Variants in XKR7 observed in about 807,000 individuals in gnomAD.
XKR7 encodes XK-related protein 7.
A neutral mutation model predicts 42.2 loss-of-function variants in XKR7; 11 were observed. That is an observed-to-expected ratio of 0.26 (90% confidence interval 0.16 to 0.43). The LOEUF is 0.43. XKR7 is among the 20% of genes least tolerant of loss of function. XKR7 has a pLI of 1.00. For missense variants in XKR7, 710 were observed against 802.2 expected (o/e 0.89, Z 1.39); for synonymous variants, 346 against 366.4 (o/e 0.94, Z 0.64).
At chr20:31,973,358 G>A (rs898243441) in intron 1 of XKR7, among the ~76,000 whole-genome samples, 7 of 152,178 alleles carry the variant, frequency 4.6e-5, no homozygotes, top group African/African-American at 1.7e-4. Context: ...TAAGTGCTGG[G>A]AATAGAGTGG....
At position 31,995,013 on chromosome 20, in the gene XKR7, G is replaced by A. The variant is rs1197721614; in HGVS notation, c.585-55G>A. ...CCTGTGGGCGGCTCGGGGCTGGTGC[G>A]ACAGAGCGAGAGGAACCAGCGCGCG... On this transcript the variant is annotated intron_variant, in intron 1 of 2. Transcript: ENST00000562532. The surrounding 1 kb of genome is among the most constrained non-coding windows in gnomAD (Gnocchi z 4.1). 2.0e-6 allele frequency: 3 copies of A among 1,535,100 alleles called. No individual in the cohort carries two copies. In the East Asian group the frequency reaches 7.4e-5, roughly 38 times the overall value.
At chr20:31,983,453 C>T (rs1415026099) in intron 1 of XKR7, among the ~76,000 whole-genome samples, 2 of 152,118 alleles carry the variant, frequency 1.3e-5, no homozygotes, top group African/African-American at 4.8e-5. Flanking sequence ...TGACATTGAG[C>T]TGAGATGGGA....
At chr20:31,988,598 G>A (rs994910956) in intron 1 of XKR7, among the ~76,000 whole-genome samples, 1 of 152,174 alleles carries the variant, frequency 6.6e-6, no homozygotes, top group Non-Finnish European at 1.5e-5. Context: ...CAGTAAGTTA[G>A]ATTCCAAATA....
chr20:31,984,099 TA>T (rs766935086), intron 1 of XKR7, among the ~76,000 whole-genome samples: 1 of 148,882 alleles, frequency 6.7e-6, no homozygotes, highest in Admixed American at 6.7e-5. Context: ...CTGTCTCTAC[TA>T]AAAAACAAAA....
At chr20:31,982,146 C>T (rs2064516131) in intron 1 of XKR7, among the ~76,000 whole-genome samples, 1 of 152,200 alleles carries the variant, frequency 6.6e-6, no homozygotes, top group Non-Finnish European at 1.5e-5. Flanking sequence ...CTGAGTTCCA[C>T]CAGTGGGTTG....
At position 31,982,997 on chromosome 20, in the gene XKR7, G is replaced by A. The variant is rs78935289; in HGVS notation, c.585-12071G>A. 1.3e-3 allele frequency among the ~76,000 whole-genome samples: 197 copies of A among 152,320 alleles called. 1 individual carries two copies. The highest frequency in any genetic ancestry group is 4.6e-3 in the African/African-American group (191 of 41,574). On this transcript the variant is annotated intron_variant, in intron 1 of 2. Coordinates refer to ENST00000562532, the MANE Select transcript of XKR7 (RefSeq NM_001011718.2). Reference sequence around the variant, plus strand: ...GTATTGGGCTGATGGGTCCAGAGACGGGAGGCAACTTGTCTGGGGCTACAT... The same window carrying A: ...GTATTGGGCTGATGGGTCCAGAGACAGGAGGCAACTTGTCTGGGGCTACAT...
intron 1 of XKR7, among the ~76,000 whole-genome samples, chr20:31,984,500 GCTTGATGAACATCC>G (rs1471796147): frequency 6.6e-6 from 1 of 152,202 alleles, no homozygotes; most frequent in African/African-American, 2.4e-5. Context: ...GTGGGGAGGG[GCTTGATGAACATCC>G]CTTGGTGTAG....
At position 31,997,435 on chromosome 20, in the gene XKR7, T is replaced by A. The variant is rs2122285096; in HGVS notation, c.1718T>A (p.Leu573Gln). Residue 573 changes from leucine to glutamine, a missense_variant, in exon 3 of 3, where the codon CTG becomes CAG. Around this residue, in one of 2 missense-constraint regions of XKR7, gnomAD observed 708 missense variants for 786.2 expected, o/e 0.90. Coordinates refer to ENST00000562532, the MANE Select transcript of XKR7 (RefSeq NM_001011718.2). ...AGTGTGGGGACTTCCCAGGAGCTGC[T>A]GGAGTATGAGACCACAGTGTAGGCT... ...YRSVGTSQELLEYETTV is the reference protein window; with the variant it reads ...YRSVGTSQELQEYETTV 1 of 1,598,094 alleles carries A rather than the reference T, an allele frequency of 6.3e-7. No homozygotes were observed. Among genetic ancestry groups the A allele is most frequent in the Middle Eastern group, 1.7e-4 (1 of 6,018 alleles).
At position 31,997,105 on chromosome 20, in the gene XKR7, G is replaced by A; in HGVS notation, c.1388G>A (p.Gly463Asp). 3.7e-6 allele frequency: 6 copies of A among 1,613,244 alleles called. No individual in the cohort carries two copies. The highest frequency in any genetic ancestry group is 5.1e-6 in the Non-Finnish European group (6 of 1,180,026). ...CIFRKASEPC[G>D]PPADAITSPP... ...TTCCGTAAGGCCTCAGAGCCCTGTG[G>A]CCCACCCGCTGACGCCATCACGAGT... is the stretch of plus-strand genomic sequence containing the variant. The change falls in exon 3 of 3, where the codon GGC becomes GAC. Residue 463 changes from glycine to aspartate, a missense_variant. By Grantham distance (94) the Gly-to-Asp change is moderately conservative (BLOSUM62 -1). This residue lies in a region of XKR7 where 708 missense variants were observed against 786.2 expected (regional missense o/e 0.90). Transcript: ENST00000562532.
chr20:31,990,374 C>A (rs1284272655), intron 1 of XKR7, among the ~76,000 whole-genome samples: 1 of 152,186 alleles, frequency 6.6e-6, no homozygotes, highest in Non-Finnish European at 1.5e-5. Flanking sequence ...GAAAATAAAG[C>A]TCAGAGAAGT....
Position 31,987,208 on chromosome 20 carries a change from C to T in XKR7, c.585-7860C>T, listed in dbSNP as rs776827437. On this transcript the variant is annotated intron_variant, in intron 1 of 2. Coordinates refer to ENST00000562532, the MANE Select transcript of XKR7 (RefSeq NM_001011718.2). ...CGGGCCCAGTATCAAGACACAGACA[C>T]ACAGACCTCCAAGAGGACCCAGTAT... Among the ~76,000 whole-genome samples the T allele has an allele frequency of 2.7e-5, 4 of 146,374 alleles. No individual in the cohort carries two copies. The East Asian group carries it at 8.4e-4, about 31-fold the overall frequency.
At chr20:31,972,404 G>A (rs1240339578) in intron 1 of XKR7, among the ~76,000 whole-genome samples, 2 of 152,208 alleles carry the variant, frequency 1.3e-5, no homozygotes, top group African/African-American at 4.8e-5. Flanking sequence ...CAGAGAGATT[G>A]AACTCTGAGG....
chr20:31,985,131 G>T (rs749916671), intron 1 of XKR7, among the ~76,000 whole-genome samples: 2 of 152,238 alleles, frequency 1.3e-5, no homozygotes, highest in African/African-American at 2.4e-5. Context: ...GGGCTCAGCT[G>T]GGGGGATGTC....
chr20:31,984,376 C>G (rs573047937), intron 1 of XKR7, among the ~76,000 whole-genome samples: 2 of 152,308 alleles, frequency 1.3e-5, no homozygotes, highest in African/African-American at 4.8e-5. Flanking sequence ...GCAAGCACCC[C>G]AGGGAAGCTG....
intron 1 of XKR7, among the ~76,000 whole-genome samples, chr20:31,994,448 C>T (rs1490441663): frequency 6.6e-6 from 1 of 152,042 alleles, no homozygotes; most frequent in Non-Finnish European, 1.5e-5. Context: ...TGCGGTGGCT[C>T]ATGCTTGTAT....
intron 1 of XKR7, among the ~76,000 whole-genome samples, chr20:31,992,644 G>C (rs2064574949): frequency 6.6e-6 from 1 of 152,190 alleles, no homozygotes; most frequent in Non-Finnish European, 1.5e-5. Context: ...CATCCTGGCT[G>C]CCAATCCTGT....
chr20:31,968,284 G>T lies in XKR7; in HGVS notation c.109G>T (p.Ala37Ser). 1 of 1,192,180 alleles carries T rather than the reference G, an allele frequency of 8.4e-7. No individual in the cohort carries two copies. 73.9% of individuals were successfully genotyped at this position (1,192,180 alleles called of 1,614,324 possible). ...AGGRGEAAAA[A>S]GPPGVVGAGG... is the part of the protein sequence containing the mutation. ...CGGGCGCGGGGAGGCGGCGGCGGCG[G>T]CCGGGCCCCCGGGGGTCGTCGGGGC... The change falls in exon 1 of 3, where the codon GCC (alanine) becomes TCC (serine). Residue 37 changes from alanine to serine, a missense_variant. Coordinates refer to ENST00000562532, the MANE Select transcript of XKR7 (RefSeq NM_001011718.2). This position sits in a 1 kb window ranked among gnomAD's most constrained non-coding sequence, Gnocchi z 4.5.
Position 31,996,627 on chromosome 20 carries a change from C to A in XKR7, c.910C>A (p.Leu304Met). 1 of 1,584,494 alleles carries A rather than the reference C, an allele frequency of 6.3e-7. No homozygotes were observed. Among genetic ancestry groups the A allele is most frequent in the Non-Finnish European group, 8.6e-7 (1 of 1,164,168 alleles). Residue 304 changes from leucine to methionine, a missense_variant, in exon 3 of 3, where the codon CTG becomes ATG. Transcript: ENST00000562532. Reference protein sequence around the residue: ...LSYKGAVAQVLWHLFSIAARG... With the variant: ...LSYKGAVAQVMWHLFSIAARG... Reference sequence around the variant, plus strand: ...CTACAAGGGCGCCGTGGCACAGGTGCTGTGGCACCTGTTCAGCATTGCCGC... The same window carrying A: ...CTACAAGGGCGCCGTGGCACAGGTGATGTGGCACCTGTTCAGCATTGCCGC...
Position 31,995,049 on chromosome 20 carries a change from C to G in XKR7, c.585-19C>G. On this transcript the variant is annotated intron_variant, in intron 1 of 2. Transcript: ENST00000562532. The surrounding 1 kb of genome is among the most constrained non-coding windows in gnomAD (Gnocchi z 4.1). Reference sequence around the variant, plus strand: ...AGGAACCAGCGCGCGGGAGCCTGAGCACCGCGTCCTTCCCGCAGGTACCTG... The same window carrying G: ...AGGAACCAGCGCGCGGGAGCCTGAGGACCGCGTCCTTCCCGCAGGTACCTG... 1.3e-6 allele frequency: 2 copies of G among 1,540,948 alleles called. No homozygotes were observed. Among genetic ancestry groups the G allele is most frequent in the Non-Finnish European group, 1.7e-6 (2 of 1,145,458 alleles).
Sources: gnomAD v4.1 joint callset for allele counts (sites outside exome capture counted in the v4.1 genomes callset) on GRCh38, gnomAD v4.1.1 for gene constraint, gnomAD v4.1.1 regional missense constraint, Gnocchi (gnomAD v3.1) non-coding constraint, MANE v1.5 for transcripts, NCBI Gene and HGNC (gene_info 2026-07-23, HGNC 2026-07-21) for gene names.